KSR2: variants seen among roughly 807,000 people sequenced by gnomAD.
The protein encoded by KSR2 is kinase suppressor of ras 2.
Under a neutral mutation model 107.8 loss-of-function variants are expected in KSR2, and 25 were observed. The ratio of observed to expected loss-of-function variants is 0.23; its 90% CI spans 0.17 to 0.32. The LOEUF is 0.32. Ranked by LOEUF, KSR2 falls within the 10% of genes least tolerant of loss-of-function variation. KSR2 has a pLI of 1.00. For synonymous variants in KSR2, 480 were observed against 507.0 expected (o/e 0.95, Z 0.71); for missense variants, 887 against 1,268.9 (o/e 0.70, Z 4.57).
chr12:117,838,477 A>G (rs1050519874), intron 3 of KSR2, among the ~76,000 whole-genome samples: 5 of 152,190 alleles, frequency 3.3e-5, no homozygotes, highest in African/African-American at 1.2e-4. Context: ...AGGACCATGT[A>G]TAATGAAAGT....
In KSR2 at chr12:117,550,366, C is replaced by T. The variant is rs551402944; in HGVS notation, c.1518+4803G>A. On this transcript the variant is annotated intron_variant, in intron 9 of 19. Transcript: ENST00000339824. Reference sequence around the variant, plus strand: ...CAGCTGAGCACTGATTTGGACATGGCGGTGATGGTCATTGCTCTCCCATGG... The same window carrying T: ...CAGCTGAGCACTGATTTGGACATGGTGGTGATGGTCATTGCTCTCCCATGG... Among the ~76,000 whole-genome samples the T allele has an allele frequency of 4.6e-5, 7 of 152,284 alleles. No homozygotes were observed. The East Asian group carries it at 5.8e-4, about 13-fold the overall frequency.
intron 10 of KSR2, among the ~76,000 whole-genome samples, chr12:117,533,488 A>G (rs1008510859): frequency 1.3e-5 from 2 of 152,234 alleles, no homozygotes; most frequent in African/African-American, 4.8e-5. Context: ...ATTCTGGAAA[A>G]TGGGATGTCC....
chr12:117,668,008 A>G (rs1287513372), intron 4 of KSR2, among the ~76,000 whole-genome samples: 1 of 152,166 alleles, frequency 6.6e-6, no homozygotes, highest in Non-Finnish European at 1.5e-5. Context: ...CAGAGCTCCA[A>G]GCCCCCAACC....
At chr12:117,698,288 C>T (rs1408672318) in intron 4 of KSR2, among the ~76,000 whole-genome samples, 7 of 152,122 alleles carry the variant, frequency 4.6e-5, no homozygotes, top group East Asian at 1.9e-4. Context: ...ACTCCCGAGA[C>T]GTCCCACTGT....
At chr12:117,777,889 A>T (rs10850898) in intron 3 of KSR2, among the ~76,000 whole-genome samples, 86,552 of 151,234 alleles carry the variant, frequency 0.57, 26,405 homozygotes, top group African/African-American at 0.78. Flanking sequence ...AAAAATTAGC[A>T]GGGTATGGTG....
At chr12:117,510,761 C>T (rs774504868) in intron 14 of KSR2, among the ~76,000 whole-genome samples, 1 of 151,962 alleles carries the variant, frequency 6.6e-6, no homozygotes, top group Non-Finnish European at 1.5e-5. Flanking sequence ...GCCTGTGGTC[C>T]CAACTACTCG....
intron 5 of KSR2, among the ~76,000 whole-genome samples, chr12:117,619,647 T>TATA: frequency 6.6e-6 from 1 of 151,308 alleles, no homozygotes; most frequent in Middle Eastern, 3.2e-3. Flanking sequence ...TATGTGAGTG[T>TATA]TGTTATTAGT....
chr12:117,550,035 C>G lies in KSR2; in HGVS notation c.1518+5134G>C, dbSNP rs192503445. Among the ~76,000 whole-genome samples, 28 of 152,308 alleles carry G rather than the reference C, an allele frequency of 1.8e-4. No individual in the cohort carries two copies. The Middle Eastern group carries it at 0.014, about 74-fold the overall frequency. On this transcript the variant is annotated intron_variant, in intron 9 of 19. Transcript: ENST00000339824. ...GTGGTTGTGTTCCATCAGAAGGAAA[C>G]TTATTAAACTCTACCAGTTCATGCA...
intron 3 of KSR2, among the ~76,000 whole-genome samples, chr12:117,819,149 T>C (rs912464584): frequency 2.6e-5 from 4 of 151,944 alleles, no homozygotes. Context: ...GGCCAAAATA[T>C]GTAGCATCAG....
At chr12:117,768,301 C>G (rs1433567069) in intron 3 of KSR2, among the ~76,000 whole-genome samples, 1 of 152,176 alleles carries the variant, frequency 6.6e-6, no homozygotes, top group Non-Finnish European at 1.5e-5. Flanking sequence ...CTGATCATAC[C>G]AGGGGAGGGG....
At chr12:117,637,739 T>G (rs1283595300) in intron 5 of KSR2, among the ~76,000 whole-genome samples, 1 of 134,326 alleles carries the variant, frequency 7.4e-6, no homozygotes, top group Non-Finnish European at 1.5e-5. Context: ...TGGAGTGCAA[T>G]GACACGATCT....
At chr12:117,567,177 G>C (rs1298115887) in intron 7 of KSR2, among the ~76,000 whole-genome samples, 2 of 152,196 alleles carry the variant, frequency 1.3e-5, no homozygotes, top group African/African-American at 4.8e-5. Flanking sequence ...TGACAGAAAA[G>C]GGCAGAAGGT....
At chr12:117,559,619 A>G (rs1011701959) in intron 7 of KSR2, among the ~76,000 whole-genome samples, 5 of 152,200 alleles carry the variant, frequency 3.3e-5, no homozygotes, top group Admixed American at 2.0e-4. Flanking sequence ...GCTTCCAATT[A>G]TAATGAAATC....
chr12:117,505,379 CA>C (rs1873616600), intron 14 of KSR2, among the ~76,000 whole-genome samples: 1 of 152,188 alleles, frequency 6.6e-6, no homozygotes, highest in South Asian at 2.1e-4. Context: ...GCCCTCCCTC[CA>C]AGACCAAAAC....
intron 4 of KSR2, among the ~76,000 whole-genome samples, chr12:117,719,650 T>C (rs952607296): frequency 2.0e-5 from 3 of 152,216 alleles, no homozygotes; most frequent in African/African-American, 7.2e-5. Flanking sequence ...CAGTTGCCAT[T>C]TGTCATCTTA....
At chr12:117,820,841 T>C (rs947176190) in intron 3 of KSR2, among the ~76,000 whole-genome samples, 1 of 152,178 alleles carries the variant, frequency 6.6e-6, no homozygotes, top group African/African-American at 2.4e-5. Context: ...GTGGTCCATC[T>C]GCTCTACTCC....
rs533231535 is a variant in KSR2, at chr12:117,840,976, G to A, written c.472+14452C>T. 7.3e-5 allele frequency among the ~76,000 whole-genome samples: 11 copies of A among 150,582 alleles called. No homozygotes were observed. In the South Asian group the frequency reaches 8.5e-4, roughly 12 times the overall value. On this transcript the variant is annotated intron_variant, in intron 3 of 19. Transcript: ENST00000339824. ...GAGATTAAGCCGCTGCAATCTAGCC[G>A]GGGCGACAGAGTGATTCTGTCTCAA...
Position 117,539,881 on chromosome 12 carries a change from T to C in KSR2, c.1525A>G (p.Ile509Val), listed in dbSNP as rs757516597. 7 of 1,607,886 alleles carry C rather than the reference T, an allele frequency of 4.4e-6. No individual in the cohort carries two copies. The highest frequency in any genetic ancestry group is 5.9e-6 in the Non-Finnish European group (7 of 1,177,730). The change falls in exon 10 of 20, where the codon ATC becomes GTC. Residue 509 changes from isoleucine (I) to valine (V), a missense_variant. By Grantham distance (29) the Ile-to-Val change is conservative (BLOSUM62 3). This residue lies in a region of KSR2 where 60 missense variants were observed against 77.5 expected (regional missense o/e 0.77). Transcript: ENST00000339824. ...PKTNKINKDH[I>V]PVPYQPDSSS... ...GAGTCTGGCTGGTAAGGGACAGGGA[T>C]GTGGTCCTGCAGAGAGAAAACAGGG...
At chr12:117,477,842 C>T (rs1367329824) in intron 16 of KSR2, among the ~76,000 whole-genome samples, 1 of 152,224 alleles carries the variant, frequency 6.6e-6, no homozygotes, top group Non-Finnish European at 1.5e-5. Flanking sequence ...ATGAACAATG[C>T]TGCCATGAAC....
Sources: gnomAD v4.1 joint callset for allele counts (sites outside exome capture counted in the v4.1 genomes callset) on GRCh38, gnomAD v4.1.1 for gene constraint, gnomAD v4.1.1 regional missense constraint, MANE v1.5 for transcripts, NCBI Gene and HGNC (gene_info 2026-07-23, HGNC 2026-07-21) for gene names.